EXOC4: variants seen among roughly 807,000 people sequenced by gnomAD.
EXOC4 encodes SEC8-like 1.
Under a neutral mutation model 107.2 loss-of-function variants are expected in EXOC4, and 71 were observed. The ratio of observed to expected loss-of-function variants is 0.66; its 90% CI spans 0.55 to 0.81. EXOC4 has a LOEUF of 0.81. Among genes scored for constraint, EXOC4 ranks in the 30% least tolerant of loss-of-function variants. The probability of loss-of-function intolerance (pLI) is 0.00; values close to 1 mark genes in which losing one functional copy is unlikely to be tolerated. For synonymous variants in EXOC4, 456 were observed against 441.2 expected, an observed-to-expected ratio of 1.03 and a Z score of -0.42; for missense variants, 1,108 against 1,189.6, an observed-to-expected ratio of 0.93 and a Z score of 1.01.
intron 3 of EXOC4, among the ~76,000 whole-genome samples, chr7:133,295,565 T>C (rs1464161615): frequency 6.6e-6 from 1 of 152,100 alleles, no homozygotes; most frequent in Non-Finnish European, 1.5e-5. Context: ...CTGGAAGATG[T>C]TTGTCGTCAG....
At chr7:133,900,633 A>G (rs6971638) in intron 12 of EXOC4, among the ~76,000 whole-genome samples, 94,129 of 151,864 alleles carry the variant, frequency 0.62, 31,595 homozygotes, top group African/African-American at 0.89. Context: ...GAAAAGCAAG[A>G]GTATAGAGAT....
At chr7:133,364,369 G>T (rs139433566) in intron 6 of EXOC4, among the ~76,000 whole-genome samples, 2 of 151,068 alleles carry the variant, frequency 1.3e-5, no homozygotes. Context: ...TTGAACTCCC[G>T]GTCTCAAGAG....
At chr7:133,869,289 C>T (rs755378536) in intron 11 of EXOC4, among the ~76,000 whole-genome samples, 1 of 151,910 alleles carries the variant, frequency 6.6e-6, no homozygotes, top group Non-Finnish European at 1.5e-5. Context: ...TACATTGCAA[C>T]GTGGTATAAT....
chr7:134,019,642 A>C (rs954260454), intron 17 of EXOC4, among the ~76,000 whole-genome samples: 1 of 152,204 alleles, frequency 6.6e-6, no homozygotes, highest in African/African-American at 2.4e-5. Context: ...TTTACATAAG[A>C]AGAGAGGCCA....
chr7:133,781,776 A>T (rs915591473), intron 10 of EXOC4, among the ~76,000 whole-genome samples: 1 of 152,044 alleles, frequency 6.6e-6, no homozygotes, highest in Non-Finnish European at 1.5e-5. Flanking sequence ...GGGGGCTCAG[A>T]CCCTCAACTC....
At chr7:133,804,817 C>CA (rs1190635733) in intron 10 of EXOC4, among the ~76,000 whole-genome samples, 1 of 152,192 alleles carries the variant, frequency 6.6e-6, no homozygotes, top group Non-Finnish European at 1.5e-5. Flanking sequence ...TAACATAGTA[C>CA]ATGCATCCTT....
At chr7:133,876,238 G>A (rs917710117) in intron 11 of EXOC4, among the ~76,000 whole-genome samples, 3 of 152,038 alleles carry the variant, frequency 2.0e-5, no homozygotes, top group African/African-American at 7.2e-5. Context: ...GTGTGTGTGT[G>A]TGTGTGTGTG....
At chr7:133,429,107 A>G (rs952553832) in intron 7 of EXOC4, among the ~76,000 whole-genome samples, 10 of 152,302 alleles carry the variant, frequency 6.6e-5, no homozygotes, top group Admixed American at 5.2e-4. Context: ...TGGAAGAACA[A>G]TGATGAAGGA....
rs200207909 is a variant in EXOC4 at position 134,064,260 on chromosome 7, C to T, written c.2688-31C>T. The T allele has an allele frequency of 1.2e-5, 16 of 1,368,392 alleles. No homozygotes were observed. The Admixed American group carries it at 4.4e-4, about 37-fold the overall frequency. 84.8% of individuals were successfully genotyped at this position (1,368,392 alleles called of 1,614,324 possible). A position where few individuals can be genotyped will look rare whatever the true frequency, so the allele number is the denominator to read the frequency against. Reference sequence around the variant, plus strand: ...CGAGACGACGTTACCAGTGGGGAGCCAGTGAGCAGTGTTCTCTCTTGCTTT... The same window carrying T: ...CGAGACGACGTTACCAGTGGGGAGCTAGTGAGCAGTGTTCTCTCTTGCTTT... On this transcript the variant is annotated intron_variant, in intron 17 of 17. Coordinates refer to ENST00000253861, the MANE Select transcript of EXOC4 (RefSeq NM_021807.4).
intron 9 of EXOC4, among the ~76,000 whole-genome samples, chr7:133,589,015 T>C (rs957974488): frequency 6.6e-6 from 1 of 152,044 alleles, no homozygotes; most frequent in Admixed American, 6.5e-5. Context: ...CAAAAGGTCA[T>C]GGATAAAAGG....
chr7:133,461,734 G>A (rs902661532), intron 7 of EXOC4, among the ~76,000 whole-genome samples: 2 of 152,188 alleles, frequency 1.3e-5, no homozygotes, highest in African/African-American at 4.8e-5. Flanking sequence ...GGGTGTTGTA[G>A]TTGTACTCCA....
At chr7:133,405,031 G>A (rs78917877) in intron 7 of EXOC4, among the ~76,000 whole-genome samples, 4,493 of 152,054 alleles carry the variant, frequency 0.03, 224 homozygotes, top group African/African-American at 0.099. Flanking sequence ...TTATGATCAT[G>A]CTACTCTACT....
intron 6 of EXOC4, among the ~76,000 whole-genome samples, chr7:133,370,809 T>C (rs537829480): frequency 6.6e-6 from 1 of 152,340 alleles, no homozygotes; most frequent in South Asian, 2.1e-4. Context: ...TTTCCCTGTC[T>C]TTAGAATTGT....
At chr7:133,644,150 A>G (rs551583169) in intron 10 of EXOC4, among the ~76,000 whole-genome samples, 1 of 152,282 alleles carries the variant, frequency 6.6e-6, no homozygotes, top group African/African-American at 2.4e-5. Context: ...TTTGACCTAG[A>G]AGTTTTCTGC....
intron 10 of EXOC4, among the ~76,000 whole-genome samples, chr7:133,654,592 A>G (rs1004893893): frequency 5.3e-5 from 8 of 152,074 alleles, no homozygotes; most frequent in African/African-American, 1.9e-4. Flanking sequence ...ACTGAAGGGT[A>G]TGGTTGTATT....
In EXOC4 at chr7:133,981,201, G is replaced by A. The variant is rs202101025; in HGVS notation, c.2207-16291G>A. 5.3e-5 allele frequency among the ~76,000 whole-genome samples: 8 copies of A among 152,288 alleles called. No individual in the cohort carries two copies. In the East Asian group the frequency reaches 1.5e-3, roughly 29 times the overall value. ...GTGATGATCTATGTACTTGGTGGCAGGGTCAGCTTCTTCTTCCAGATAAAT... is the reference window on the plus strand; with the variant it reads ...GTGATGATCTATGTACTTGGTGGCAAGGTCAGCTTCTTCTTCCAGATAAAT... On this transcript the variant is annotated intron_variant, in intron 14 of 17. Coordinates refer to ENST00000253861, the MANE Select transcript of EXOC4 (RefSeq NM_021807.4).
At chr7:134,075,204 A>C in the EXOC4 span, among the ~76,000 whole-genome samples, 1 of 152,210 alleles carries the variant, frequency 6.6e-6, no homozygotes, top group Admixed American at 6.5e-5. Context: ...CTAGAATTAC[A>C]TGCATACAGC....
intron 10 of EXOC4, among the ~76,000 whole-genome samples, chr7:133,671,260 A>G (rs1289576179): frequency 6.6e-6 from 1 of 152,074 alleles, no homozygotes; most frequent in African/African-American, 2.4e-5. Flanking sequence ...ATCTGCTTTC[A>G]CCTTTTTAAA....
chr7:133,317,180 A>G, intron 4 of EXOC4, 104 bp from the exon 5 acceptor site: 1 of 730,358 alleles, frequency 1.4e-6, no homozygotes, highest in Non-Finnish European at 2.5e-6. Context: ...TCCAGTGTAA[A>G]GAGGGCTCAT....
Sources: allele counts gnomAD v4.1 joint callset (sites outside exome capture counted in the v4.1 genomes callset), GRCh38; gene constraint gnomAD v4.1.1; transcripts MANE v1.5; gene names NCBI Gene and HGNC (gene_info 2026-07-23, HGNC 2026-07-21).